CDH7: variants seen among roughly 807,000 people sequenced by gnomAD.
CDH7 encodes cadherin-7.
CDH7 carries 25 observed loss-of-function variants against 71.8 expected under a neutral mutation model. The ratio of observed to expected loss-of-function variants is 0.35; its 90% confidence interval spans 0.25 to 0.49. CDH7 has a LOEUF of 0.49. Among genes scored for constraint, CDH7 ranks in the 20% least tolerant of loss-of-function variants. CDH7 has a pLI of 0.99. For synonymous variants in CDH7, 381 were observed against 363.8 expected (o/e 1.05, Z -0.54); for missense variants, 862 against 974.6 (o/e 0.88, Z 1.54).
intron 4 of CDH7, among the ~76,000 whole-genome samples, chr18:65,817,054 T>A (rs879484522): frequency 6.6e-6 from 1 of 152,150 alleles, no homozygotes; most frequent in Non-Finnish European, 1.5e-5. Context: ...AATGATTAAG[T>A]TTAAATACAT....
intron 2 of CDH7, among the ~76,000 whole-genome samples, chr18:65,796,122 T>C (rs1389425009): frequency 2.6e-5 from 4 of 152,214 alleles, no homozygotes; most frequent in Non-Finnish European, 5.9e-5. Context: ...CCTTTAAAGA[T>C]ATTTTGTGTA....
At chr18:65,759,728 G>A (rs1405674558) in intron 1 of CDH7, among the ~76,000 whole-genome samples, 1 of 152,120 alleles carries the variant, frequency 6.6e-6, no homozygotes, top group Non-Finnish European at 1.5e-5. Flanking sequence ...TAAAATCCCG[G>A]AGCAATCCAA....
At chr18:65,822,360 CT>C in intron 5 of CDH7, 112 bp downstream of exon 5, 1 of 778,052 alleles carries the variant, frequency 1.3e-6, no homozygotes, top group Non-Finnish European at 2.0e-6. Flanking sequence ...AATTGTCTTA[CT>C]TCATTCTCTC....
Position 65,781,772 on chromosome 18 carries a change from TTCCTTCCTTCCTTCCTTCC to T in CDH7, c.210+18722_210+18740del, listed in dbSNP as rs1910206702. Among the ~76,000 whole-genome samples, 180 of 75,754 alleles carry T rather than the reference TTCCTTCCTTCCTTCCTTCC, an allele frequency of 2.4e-3. 19 individuals are homozygous for T. The highest frequency in any genetic ancestry group is 8.5e-3 in the Middle Eastern group (1 of 118). 49.7% of individuals were successfully genotyped at this position (75,754 alleles called of 152,430 possible). ...TTGATTTCTTTCTTTCTTTCTTTCCTTCCTTCCTTCCTTCCTTCCTTCCTTCCTTCCTTCCTTCCTTCCT... is the reference window on the plus strand; with the variant it reads ...TTGATTTCTTTCTTTCTTTCTTTCCTTTCCTTCCTTCCTTCCTTCCTTCCT... On this transcript the variant is annotated intron_variant, in intron 2 of 11. Coordinates refer to ENST00000397968, the MANE Select transcript of CDH7 (RefSeq NM_004361.5).
At position 65,802,126 on chromosome 18, in the gene CDH7, G is replaced by A. The variant is rs192194886; in HGVS notation, c.211-7578G>A. The stretch of plus-strand genomic sequence containing the variant: ...GACTTTTGCCTAGAAGCATTCAAAA[G>A]AGTTTTCATGTAGGGTTTTTATTCA... On this transcript the variant is annotated intron_variant, in intron 2 of 11. Coordinates refer to ENST00000397968, the MANE Select transcript of CDH7 (RefSeq NM_004361.5). Among the ~76,000 whole-genome samples the A allele has an allele frequency of 1.2e-3, 188 of 152,280 alleles. 1 individual carries two copies. Among genetic ancestry groups the A allele is most frequent in the African/African-American group, 3.8e-3 (157 of 41,568 alleles).
chr18:65,818,123 A>T (rs561073674), intron 4 of CDH7, among the ~76,000 whole-genome samples: 4 of 152,202 alleles, frequency 2.6e-5, no homozygotes, highest in Non-Finnish European at 5.9e-5. Context: ...TTTTTAAAAT[A>T]TAATGCGGTA....
intron 6 of CDH7, among the ~76,000 whole-genome samples, chr18:65,827,037 C>A (rs1912157725): frequency 6.6e-6 from 1 of 151,526 alleles, no homozygotes; most frequent in Non-Finnish European, 1.5e-5. Flanking sequence ...GCCCAGAAAT[C>A]TGAATGATGC....
intron 2 of CDH7, among the ~76,000 whole-genome samples, chr18:65,795,344 T>C (rs1910874293): frequency 1.3e-5 from 2 of 152,290 alleles, no homozygotes; most frequent in South Asian, 4.2e-4. Flanking sequence ...GGAAGCAACA[T>C]TGATAATAGG....
At chr18:65,828,172 C>T (rs965692004) in intron 6 of CDH7, among the ~76,000 whole-genome samples, 1 of 151,826 alleles carries the variant, frequency 6.6e-6, no homozygotes, top group African/African-American at 2.4e-5. Context: ...TTAATATGTT[C>T]CAGTGTCCAA....
At chr18:65,860,750 T>C (rs1024209551) in intron 10 of CDH7, among the ~76,000 whole-genome samples, 3 of 152,172 alleles carry the variant, frequency 2.0e-5, no homozygotes, top group African/African-American at 7.2e-5. Flanking sequence ...AAAACAGACT[T>C]ACTACCAAAA....
At chr18:65,802,036 G>T (rs972034801) in intron 2 of CDH7, among the ~76,000 whole-genome samples, 1 of 152,186 alleles carries the variant, frequency 6.6e-6, no homozygotes, top group African/African-American at 2.4e-5. Flanking sequence ...ATTGCTCTCT[G>T]CCTTCATTGT....
chr18:65,837,049 C>T (rs1213849269), intron 6 of CDH7, among the ~76,000 whole-genome samples: 1 of 152,146 alleles, frequency 6.6e-6, no homozygotes, highest in Non-Finnish European at 1.5e-5. Context: ...CAACAGTGTG[C>T]ACCTAGGTAG....
intron 6 of CDH7, 106 bp downstream of exon 6, chr18:65,824,937 A>C: frequency 2.5e-6 from 1 of 399,106 alleles, no homozygotes; most frequent in Non-Finnish European, 4.5e-6. Context: ...GACCATTACT[A>C]TTTTAATTTT....
At chr18:65,845,809 G>T (rs1019018514) in intron 7 of CDH7, among the ~76,000 whole-genome samples, 10 of 152,034 alleles carry the variant, frequency 6.6e-5, no homozygotes, top group Non-Finnish European at 1.3e-4. Flanking sequence ...TGTAGTTCTA[G>T]CAACTTGGGA....
chr18:65,761,222 A>C (rs1916183209), intron 1 of CDH7, among the ~76,000 whole-genome samples: 1 of 152,150 alleles, frequency 6.6e-6, no homozygotes, highest in Non-Finnish European at 1.5e-5. Flanking sequence ...TATATTTTTA[A>C]ATGTATGCAT....
intron 9 of CDH7, 59 bp downstream of exon 9, chr18:65,859,105 G>C: frequency 6.6e-7 from 1 of 1,517,486 alleles, no homozygotes; most frequent in Non-Finnish European, 9.1e-7. Context: ...ATATCCAGCA[G>C]CAGTTGCCTT....
At chr18:65,764,561 T>G (rs929676693) in intron 2 of CDH7, among the ~76,000 whole-genome samples, 5 of 152,072 alleles carry the variant, frequency 3.3e-5, no homozygotes, top group Admixed American at 6.6e-5. Flanking sequence ...GATTAGGATT[T>G]GATTAGGAAA....
Position 65,819,940 on chromosome 18 carries a change from A to G in CDH7, c.626-2141A>G, listed in dbSNP as rs151134359. ...AGAACCCGTGTTCCTTTGCTTCCCTAAAGTGCGAAAGATTTCAGAAATGGC... is the reference window on the plus strand; with the variant it reads ...AGAACCCGTGTTCCTTTGCTTCCCTGAAGTGCGAAAGATTTCAGAAATGGC... On this transcript the variant is annotated intron_variant, in intron 4 of 11. Transcript: ENST00000397968. Among the ~76,000 whole-genome samples, 384 of 149,678 alleles carry G rather than the reference A, an allele frequency of 2.6e-3. 4 individuals are homozygous for G. The highest frequency in any genetic ancestry group is 8.9e-3 in the African/African-American group (362 of 40,876).
At chr18:65,813,130 C>T (rs183660563) in intron 3 of CDH7, among the ~76,000 whole-genome samples, 22 of 152,190 alleles carry the variant, frequency 1.4e-4, no homozygotes, top group Non-Finnish European at 1.0e-4. Context: ...GTCAGGAGTT[C>T]GAGACCAGCC....
Sources: allele counts gnomAD v4.1 joint callset (sites outside exome capture counted in the v4.1 genomes callset), GRCh38; gene constraint gnomAD v4.1.1; transcripts MANE v1.5; gene names NCBI Gene and HGNC (gene_info 2026-07-23, HGNC 2026-07-21).